FSTL4: variants seen among roughly 807,000 people sequenced by gnomAD.
FSTL4 encodes the protein follistatin-related protein 4.
In FSTL4, 28 loss-of-function variants were observed where a neutral mutation model predicts 78.2. That is an observed-to-expected ratio of 0.36 (90% CI 0.27 to 0.49). The LOEUF is 0.49. FSTL4 is among the 20% of genes least tolerant of loss of function. The pLI, the probability that FSTL4 is intolerant of heterozygous loss-of-function variation, is 0.98. For synonymous variants in FSTL4, 422 were observed against 440.5 expected, an observed-to-expected ratio of 0.96 and a Z score of 0.53; for missense variants, 922 against 1,084.9, an observed-to-expected ratio of 0.85 and a Z score of 2.11.
At chr5:133,468,858 C>T (rs539660930) in intron 3 of FSTL4, among the ~76,000 whole-genome samples, 2 of 152,270 alleles carry the variant, frequency 1.3e-5, no homozygotes, top group African/African-American at 2.4e-5. Context: ...ATGACCTATA[C>T]GTTACACAAT....
chr5:133,795,890 T>C, the FSTL4 span, among the ~76,000 whole-genome samples: 1 of 152,202 alleles, frequency 6.6e-6, no homozygotes, highest in South Asian at 2.1e-4. Flanking sequence ...ATTTAGAGTG[T>C]GAATCCAGGC....
the FSTL4 span, among the ~76,000 whole-genome samples, chr5:133,702,075 A>C: frequency 6.6e-6 from 1 of 152,194 alleles, no homozygotes; most frequent in Non-Finnish European, 1.5e-5. Context: ...AGATTCTGGG[A>C]AGCAGATATC....
At chr5:133,405,372 T>C (rs537176489) in intron 3 of FSTL4, among the ~76,000 whole-genome samples, 6 of 152,338 alleles carry the variant, frequency 3.9e-5, no homozygotes, top group Non-Finnish European at 8.8e-5. Context: ...CCACGAACCC[T>C]GGCCCAGTAC....
At chr5:133,284,972 A>G (rs903523927) in intron 6 of FSTL4, among the ~76,000 whole-genome samples, 1 of 152,216 alleles carries the variant, frequency 6.6e-6, no homozygotes, top group African/African-American at 2.4e-5. Context: ...AGAGGTGCTC[A>G]GACTTGGTGA....
intron 3 of FSTL4, among the ~76,000 whole-genome samples, chr5:133,533,890 C>T (rs892391541): frequency 2.0e-5 from 3 of 152,074 alleles, no homozygotes; most frequent in South Asian, 2.1e-4. Flanking sequence ...GCTCTGGCTC[C>T]CCCGAGTCCT....
At chr5:133,336,817 C>T (rs764511253) in intron 4 of FSTL4, among the ~76,000 whole-genome samples, 2 of 152,192 alleles carry the variant, frequency 1.3e-5, no homozygotes, top group Non-Finnish European at 2.9e-5. Flanking sequence ...GCTTGTCTCC[C>T]TTGAGCCCTT....
chr5:133,213,639 T>C (rs1439287673), intron 13 of FSTL4, among the ~76,000 whole-genome samples: 1 of 152,002 alleles, frequency 6.6e-6, no homozygotes, highest in East Asian at 1.9e-4. Flanking sequence ...AAAGAGTGCA[T>C]CGTCAACAAC....
chr5:133,556,054 T>C (rs937944232), intron 3 of FSTL4, among the ~76,000 whole-genome samples: 3 of 151,548 alleles, frequency 2.0e-5, no homozygotes, highest in Admixed American at 6.6e-5. Context: ...AGATGGGAGG[T>C]TGGGGGAGGT....
Position 133,538,568 on chromosome 5 carries a change from T to TA in FSTL4, c.160+28617dup, listed in dbSNP as rs530848690. Among the ~76,000 whole-genome samples, 589 of 152,278 alleles carry TA rather than the reference T, an allele frequency of 3.9e-3. 6 individuals are homozygous for TA. Among genetic ancestry groups the TA allele is most frequent in the South Asian group, 5.2e-3 (25 of 4,808 alleles). The stretch of plus-strand genomic sequence containing the variant: ...CGTATCTGCTGAGACTTTTTTTTTT[T>TA]AACTCCATCTTTCCTTCTATATTTC... On this transcript the variant is annotated intron_variant, in intron 3 of 15. Coordinates refer to ENST00000265342, the MANE Select transcript of FSTL4 (RefSeq NM_015082.2).
intron 3 of FSTL4, among the ~76,000 whole-genome samples, chr5:133,514,027 A>C (rs1580758002): frequency 1.3e-5 from 2 of 151,978 alleles, no homozygotes; most frequent in Non-Finnish European, 2.9e-5. Context: ...AAATACAAAA[A>C]AATTAGCCAG....
chr5:133,806,864 G>T, the FSTL4 span, among the ~76,000 whole-genome samples: 1 of 152,206 alleles, frequency 6.6e-6, no homozygotes, highest in Non-Finnish European at 1.5e-5. Flanking sequence ...GGAAAGACAA[G>T]TACCCCAGAT....
At chr5:133,474,952 T>A (rs1164379579) in intron 3 of FSTL4, among the ~76,000 whole-genome samples, 1 of 152,152 alleles carries the variant, frequency 6.6e-6, no homozygotes, top group East Asian at 1.9e-4. Flanking sequence ...CCCAAGTCAT[T>A]CCGTGGCCCC....
At chr5:133,461,274 G>GCCTCCA (rs1757586452) in intron 3 of FSTL4, among the ~76,000 whole-genome samples, 1 of 152,242 alleles carries the variant, frequency 6.6e-6, no homozygotes, top group East Asian at 1.9e-4. Context: ...CAATATTGGG[G>GCCTCCA]CCTCCATCCA....
At position 133,502,678 on chromosome 5, in the gene FSTL4, A is replaced by T. The variant is rs115581748; in HGVS notation, c.160+64508T>A. Among the ~76,000 whole-genome samples the T allele has an allele frequency of 3.3e-3, 509 of 152,278 alleles. 1 individual carries two copies. Among genetic ancestry groups the T allele is most frequent in the African/African-American group, 0.01 (417 of 41,554 alleles). On this transcript the variant is annotated intron_variant, in intron 3 of 15. Transcript: ENST00000265342. ...TCCCTCTCTTCCTCCCACTCTGGCC[A>T]TGTGAGACGTGCCTGCTTTTCCTAT...
At chr5:133,463,019 T>C (rs1757628640) in intron 3 of FSTL4, among the ~76,000 whole-genome samples, 1 of 152,148 alleles carries the variant, frequency 6.6e-6, no homozygotes, top group African/African-American at 2.4e-5. Flanking sequence ...GGCTGAGGAA[T>C]GCCGTGCGAG....
At chr5:133,517,200 A>G (rs1758870605) in intron 3 of FSTL4, among the ~76,000 whole-genome samples, 1 of 151,634 alleles carries the variant, frequency 6.6e-6, no homozygotes, top group Non-Finnish European at 1.5e-5. Flanking sequence ...AGGTGGGTGG[A>G]TCACCTGAGG....
the FSTL4 span, among the ~76,000 whole-genome samples, chr5:133,779,922 G>A: frequency 2.0e-5 from 3 of 152,154 alleles, no homozygotes; most frequent in African/African-American, 7.2e-5. Context: ...GAAGGGAGGT[G>A]AGCAAGATGG....
chr5:133,756,144 G>C, the FSTL4 span, among the ~76,000 whole-genome samples: 1 of 152,070 alleles, frequency 6.6e-6, no homozygotes, highest in Non-Finnish European at 1.5e-5. Context: ...TGAGAAAGTG[G>C]TGTTTGGGAG....
intron 3 of FSTL4, among the ~76,000 whole-genome samples, chr5:133,560,367 T>C (rs1759885952): frequency 6.6e-6 from 1 of 152,182 alleles, no homozygotes; most frequent in African/African-American, 2.4e-5. Flanking sequence ...GCCCCTGATC[T>C]TGGGAGAGAA....
Sources: allele counts gnomAD v4.1 joint callset (sites outside exome capture counted in the v4.1 genomes callset), GRCh38; gene constraint gnomAD v4.1.1; transcripts MANE v1.5; gene names NCBI Gene and HGNC (gene_info 2026-07-23, HGNC 2026-07-21).